Variants in ADGRB3 observed in about 807,000 individuals in gnomAD.
The protein encoded by ADGRB3 is brain-specific angiogenesis inhibitor 3.
In ADGRB3, 37 loss-of-function variants were observed where a neutral mutation model predicts 193.4. The observed-to-expected ratio is 0.19, with a 90% CI of 0.15 to 0.25. The LOEUF is 0.25. ADGRB3 is among the 10% of genes least tolerant of loss of function. The pLI, the probability that ADGRB3 is intolerant of heterozygous loss-of-function variation, is 1.00. For missense variants in ADGRB3, 1,637 were observed against 1,852.9 expected, an observed-to-expected ratio of 0.88 and a Z score of 2.14; for synonymous variants, 690 against 644.2, an observed-to-expected ratio of 1.07 and a Z score of -1.08.
chr6:69,180,194 T>A (rs1158702597), intron 17 of ADGRB3, among the ~76,000 whole-genome samples: 2 of 152,216 alleles, frequency 1.3e-5, no homozygotes, highest in Non-Finnish European at 2.9e-5. Flanking sequence ...TGCCTGGAGA[T>A]CTGCCTGGGT....
Position 69,062,992 on chromosome 6 carries a change from A to G in ADGRB3, c.2392A>G (p.Thr798Ala), listed in dbSNP as rs1237114965. The G allele has an allele frequency of 6.2e-7, 1 of 1,612,416 alleles. No individual in the cohort carries two copies. Among genetic ancestry groups the G allele is most frequent in the East Asian group, 2.2e-5 (1 of 44,800 alleles). The stretch of plus-strand genomic sequence containing the variant: ...GGTCACAATAAGGCCTGAACCCAAA[A>G]CAACCGATTCGTTTCTGGAGATAGA... ...IVVTIRPEPKTTDSFLEIELA... is the reference protein window; with the variant it reads ...IVVTIRPEPKATDSFLEIELA... Residue 798 changes from threonine (T) to alanine (A), a missense_variant, in exon 16 of 32, where the codon ACA becomes GCA. Physicochemically the swap from Thr to Ala is moderately conservative, Grantham distance 58 (BLOSUM62 0). This residue lies in a region of ADGRB3 where 641 missense variants were observed against 673.9 expected (regional missense o/e 0.95). Coordinates refer to ENST00000370598, the MANE Select transcript of ADGRB3 (RefSeq NM_001704.3).
intron 17 of ADGRB3, among the ~76,000 whole-genome samples, chr6:69,191,675 C>G (rs1266822904): frequency 6.6e-6 from 1 of 152,102 alleles, no homozygotes; most frequent in African/African-American, 2.4e-5. Flanking sequence ...ATCCACTCAA[C>G]AGATATTTGT....
intron 20 of ADGRB3, among the ~76,000 whole-genome samples, chr6:69,311,407 T>C (rs530266560): frequency 4.6e-5 from 7 of 151,846 alleles, no homozygotes; most frequent in African/African-American, 1.7e-4. Flanking sequence ...GGTCATCTGT[T>C]TTTCCGATGG....
At chr6:69,133,882 T>C (rs1346594448) in intron 17 of ADGRB3, among the ~76,000 whole-genome samples, 3 of 152,026 alleles carry the variant, frequency 2.0e-5, no homozygotes, top group Non-Finnish European at 4.4e-5. Context: ...ATATCATTCT[T>C]ATGCCTTTAC....
chr6:69,356,508 A>G (rs796146350), intron 28 of ADGRB3, among the ~76,000 whole-genome samples: 3 of 151,996 alleles, frequency 2.0e-5, no homozygotes, highest in Non-Finnish European at 4.4e-5. Flanking sequence ...GAGAGAGAGA[A>G]AAAGAGAGAG....
At chr6:69,268,098 G>T (rs537002464) in intron 20 of ADGRB3, among the ~76,000 whole-genome samples, 2 of 152,080 alleles carry the variant, frequency 1.3e-5, no homozygotes, top group African/African-American at 2.4e-5. Context: ...ATGTATTCTC[G>T]TCTATAGAAA....
intron 9 of ADGRB3, 91 bp downstream of exon 9, chr6:68,974,955 A>T: frequency 9.1e-7 from 1 of 1,098,536 alleles, no homozygotes; most frequent in Non-Finnish European, 1.3e-6. Context: ...TTTTTGTCTT[A>T]TATCCATAAA....
chr6:68,769,368 A>T (rs1766571839), intron 3 of ADGRB3, among the ~76,000 whole-genome samples: 2 of 152,194 alleles, frequency 1.3e-5, no homozygotes, highest in African/African-American at 4.8e-5. Context: ...CATAAAAAAG[A>T]TGAGTTCATG....
chr6:68,743,748 A>C (rs1043007812), intron 3 of ADGRB3, among the ~76,000 whole-genome samples: 4 of 152,154 alleles, frequency 2.6e-5, no homozygotes, highest in Non-Finnish European at 5.9e-5. Flanking sequence ...ATTTCTGTTG[A>C]GAAATTAAGA....
intron 3 of ADGRB3, among the ~76,000 whole-genome samples, chr6:68,730,270 G>A (rs933789784): frequency 6.6e-6 from 1 of 151,518 alleles, no homozygotes; most frequent in African/African-American, 2.4e-5. Context: ...ACCATCATAA[G>A]AGGTTGATGA....
intron 3 of ADGRB3, among the ~76,000 whole-genome samples, chr6:68,772,894 A>AATATATATATATATATATAT (rs1208790675): frequency 4.4e-5 from 1 of 22,890 alleles, no homozygotes; most frequent in Non-Finnish European, 7.4e-5. Context: ...AAAAAAAAAA[A>AATATATATATATATATATAT]ATATATATAT....
chr6:69,331,925 A>G lies in ADGRB3; in HGVS notation c.3103-998A>G, dbSNP rs142439019. On this transcript the variant is annotated intron_variant, in intron 23 of 31. Coordinates refer to ENST00000370598, the MANE Select transcript of ADGRB3 (RefSeq NM_001704.3). ...GTGGTATCTTGTCAGGAAACTATGA[A>G]GAGTGACTCTTCCTAAGTCCATACT... The G allele has an allele frequency of 6.6e-4, 652 of 985,370 alleles. 1 individual carries two copies. In the Middle Eastern group the frequency reaches 9.9e-3, roughly 15 times the overall value. 61.0% of individuals were successfully genotyped at this position (985,370 alleles called of 1,614,324 possible).
chr6:68,801,629 C>T (rs559334772), intron 3 of ADGRB3, among the ~76,000 whole-genome samples: 26 of 152,146 alleles, frequency 1.7e-4, no homozygotes, highest in Non-Finnish European at 3.2e-4. Flanking sequence ...GCAGAGGTTA[C>T]GGTGAGCTGA....
chr6:69,173,020 G>A, intron 17 of ADGRB3, among the ~76,000 whole-genome samples: 1 of 107,192 alleles, frequency 9.3e-6, no homozygotes, highest in East Asian at 2.0e-4. Flanking sequence ...GTGGGGTTTT[G>A]GTTTTTGTTT....
At chr6:69,286,054 G>A (rs759841348) in intron 20 of ADGRB3, among the ~76,000 whole-genome samples, 1 of 152,022 alleles carries the variant, frequency 6.6e-6, no homozygotes, top group Non-Finnish European at 1.5e-5. Flanking sequence ...AGTTACCTTA[G>A]ACCATTCTTG....
intron 17 of ADGRB3, among the ~76,000 whole-genome samples, chr6:69,142,680 G>C (rs1774372799): frequency 6.6e-6 from 1 of 152,188 alleles, no homozygotes; most frequent in Non-Finnish European, 1.5e-5. Context: ...CCGCTGATTA[G>C]TCTTGAACTG....
Position 68,643,438 on chromosome 6 carries a change from C to CTTTTTTTTTTTTTTTT in ADGRB3, c.757+4013_757+4028dup, listed in dbSNP as rs765489730. Among the ~76,000 whole-genome samples, 28 of 65,022 alleles carry CTTTTTTTTTTTTTTTT rather than the reference C, an allele frequency of 4.3e-4. 1 individual carries two copies. Among genetic ancestry groups the CTTTTTTTTTTTTTTTT allele is most frequent in the Admixed American group, 1.6e-3 (6 of 3,804 alleles). 42.7% of individuals were successfully genotyped at this position (65,022 alleles called of 152,430 possible). On this transcript the variant is annotated intron_variant, in intron 3 of 31. Transcript: ENST00000370598. ...CTTTCTCTTTACACTCTTCATCTTC[C>CTTTTTTTTTTTTTTTT]TTTTTTTTTTTTTTTTTTTTTTCGT...
chr6:68,817,542 A>G (rs1426680194), intron 3 of ADGRB3, among the ~76,000 whole-genome samples: 1 of 151,452 alleles, frequency 6.6e-6, no homozygotes, highest in Admixed American at 6.6e-5. Flanking sequence ...CTAAAATAGT[A>G]CTTTTCAGTG....
At chr6:69,029,540 C>T (rs193004585) in intron 13 of ADGRB3, among the ~76,000 whole-genome samples, 11 of 152,118 alleles carry the variant, frequency 7.2e-5, no homozygotes, top group South Asian at 2.1e-4. Flanking sequence ...AGGTTGCAAA[C>T]GTATGATATA....
Sources: allele counts gnomAD v4.1 joint callset (sites outside exome capture counted in the v4.1 genomes callset), GRCh38; gene constraint gnomAD v4.1.1; regional missense constraint gnomAD v4.1.1; transcripts MANE v1.5; gene names NCBI Gene and HGNC (gene_info 2026-07-23, HGNC 2026-07-21).